The following C7 variants were observed in gnomAD, a reference collection of about 807,000 sequenced individuals.
The protein encoded by C7 is complement C7.
In C7, 83 loss-of-function variants were observed where a neutral mutation model predicts 104.8. The observed-to-expected ratio is 0.79, with a 90% CI of 0.66 to 0.95. The LOEUF is 0.95. Among genes scored for constraint, C7 ranks in the 40% least tolerant of loss-of-function variants. The pLI, the probability that C7 is intolerant of heterozygous loss-of-function variation, is 0.00. For missense variants in C7, 1,070 were observed against 1,011.2 expected (o/e 1.06, Z -0.79); for synonymous variants, 415 against 360.6 (o/e 1.15, Z -1.71).
rs551295786 is a variant in C7, at chr5:40,919,816, C to T, written c.7-8764C>T. 6.6e-5 allele frequency among the ~76,000 whole-genome samples: 10 copies of T among 151,826 alleles called. No homozygotes were observed. In the South Asian group the frequency reaches 2.1e-3, roughly 32 times the overall value. On this transcript the variant is annotated intron_variant, in intron 1 of 17. Transcript: ENST00000313164. ...AAACAAAAATGGAAACACAACATAG[C>T]AAACATATGGGATACAGCAAAAACA...
At chr5:40,968,618 TTTTTTTTTTTTG>T (rs1439536501) in intron 14 of C7, among the ~76,000 whole-genome samples, 23 of 86,204 alleles carry the variant, frequency 2.7e-4, no homozygotes, top group African/African-American at 8.2e-4. Flanking sequence ...TTTTTTTTTT[TTTTTTTTTTTTG>T]AGACAGATTT....
At chr5:40,961,649 G>A (rs1311679888) in intron 12 of C7, among the ~76,000 whole-genome samples, 1 of 152,278 alleles carries the variant, frequency 6.6e-6, no homozygotes, top group East Asian at 1.9e-4. Flanking sequence ...TCCTCCCAAA[G>A]TGCTGGGATT....
At chr5:40,920,687 A>G (rs555762347) in intron 1 of C7, among the ~76,000 whole-genome samples, 43 of 152,318 alleles carry the variant, frequency 2.8e-4, no homozygotes, top group African/African-American at 1.0e-3. Flanking sequence ...AACAAAATAA[A>G]TGGCATTCAA....
At chr5:40,911,080 C>G (rs911006034) in intron 1 of C7, 2 of 152,076 alleles carry the variant, frequency 1.3e-5, no homozygotes, top group African/African-American at 4.8e-5. Context: ...GGCTTTCCAG[C>G]AAAAATTGGG....
At chr5:40,930,534 A>C (rs1301871625) in intron 2 of C7, among the ~76,000 whole-genome samples, 1 of 150,518 alleles carries the variant, frequency 6.6e-6, no homozygotes, top group Non-Finnish European at 1.5e-5. Context: ...TTATTTCTAC[A>C]ATTCTAGTGT....
chr5:40,915,784 C>A (rs888708513), intron 1 of C7, among the ~76,000 whole-genome samples: 1 of 152,046 alleles, frequency 6.6e-6, no homozygotes, highest in Non-Finnish European at 1.5e-5. Flanking sequence ...ATTTTTAGAA[C>A]TCTAACAGCC....
intron 9 of C7, among the ~76,000 whole-genome samples, chr5:40,954,477 G>C (rs1740242441): frequency 6.6e-6 from 1 of 152,058 alleles, no homozygotes; most frequent in Non-Finnish European, 1.5e-5. Flanking sequence ...CATCTAAGAA[G>C]AACATTCTCT....
At chr5:40,936,717 G>C (rs1021556210) in intron 5 of C7, among the ~76,000 whole-genome samples, 2 of 152,044 alleles carry the variant, frequency 1.3e-5, no homozygotes, top group East Asian at 3.9e-4. Context: ...TAGTTTTAGC[G>C]CTGAAATTCT....
chr5:40,921,743 G>C (rs538328456), intron 1 of C7, among the ~76,000 whole-genome samples: 4 of 152,146 alleles, frequency 2.6e-5, no homozygotes, highest in African/African-American at 9.6e-5. Context: ...AAAGTGGTAA[G>C]AACATACATT....
In C7 at chr5:40,928,664, A is replaced by C. The variant is rs180938372; in HGVS notation, c.62+29A>C. On this transcript the variant is annotated intron_variant, in intron 2 of 17. Coordinates refer to ENST00000313164, the MANE Select transcript of C7 (RefSeq NM_000587.4). ...AGGACTTTTTGGGTTGTGTGTAAAA[A>C]TCATTAAATTTAAAAAATGTTTTAG... 4.0e-3 allele frequency: 5,668 copies of C among 1,413,006 alleles called. 19 individuals carry two copies. Among genetic ancestry groups the C allele is most frequent in the Middle Eastern group, 8.9e-3 (51 of 5,726 alleles). 87.5% of individuals were successfully genotyped at this position (1,413,006 alleles called of 1,614,324 possible).
chr5:40,977,027 T>G (rs1050056395), intron 16 of C7, among the ~76,000 whole-genome samples, 187 bp downstream of exon 16: 1 of 152,216 alleles, frequency 6.6e-6, no homozygotes, highest in African/African-American at 2.4e-5. Flanking sequence ...AGCCATGGCA[T>G]TAAGCAGTGT....
intron 15 of C7, among the ~76,000 whole-genome samples, chr5:40,975,282 C>T (rs910125273): frequency 5.3e-5 from 8 of 152,082 alleles, no homozygotes; most frequent in Admixed American, 1.3e-4. Flanking sequence ...TCATGTTTTA[C>T]CACTAATGTC....
At chr5:40,909,769 TG>T (rs1200044078) in intron 1 of C7, among the ~76,000 whole-genome samples, 153 bp downstream of exon 1, 2 of 152,052 alleles carry the variant, frequency 1.3e-5, no homozygotes, top group Non-Finnish European at 1.5e-5. Flanking sequence ...GAAAAAGACC[TG>T]GGGGTGATGT....
At position 40,937,695 on chromosome 5, in the gene C7, T is replaced by G; in HGVS notation, c.567+5T>G. 6.4e-7 allele frequency: 1 copy of G among 1,556,828 alleles called. No individual in the cohort carries two copies. The highest frequency in any genetic ancestry group is 8.7e-7 in the Non-Finnish European group (1 of 1,150,638). ...GTCCTGTCCTATACATTCCAGGTAC[T>G]TACGACGTTATTGATTTCCAATCTG... On this transcript the variant is annotated splice_donor_5th_base_variant and intron_variant, in intron 6 of 17. Coordinates refer to ENST00000313164, the MANE Select transcript of C7 (RefSeq NM_000587.4).
chr5:40,935,606 A>T (rs977834978), intron 4 of C7, among the ~76,000 whole-genome samples: 3 of 152,188 alleles, frequency 2.0e-5, no homozygotes, highest in African/African-American at 7.2e-5. Flanking sequence ...CAAGCGCAAG[A>T]TCATTGGAGA....
At chr5:40,943,947 G>A (rs565492352) in intron 6 of C7, among the ~76,000 whole-genome samples, 4 of 152,020 alleles carry the variant, frequency 2.6e-5, no homozygotes, top group Admixed American at 1.3e-4. Flanking sequence ...TTTTGACTGG[G>A]CATATACTTG....
intron 15 of C7, among the ~76,000 whole-genome samples, chr5:40,975,854 T>C (rs1740807429): frequency 6.6e-6 from 1 of 152,238 alleles, no homozygotes; most frequent in Non-Finnish European, 1.5e-5. Context: ...ATTCTCCAGA[T>C]AAACTACCTT....
intron 17 of C7, 167 bp downstream of exon 17, chr5:40,980,076 G>A (rs1478356407): frequency 6.6e-6 from 3 of 455,720 alleles, no homozygotes; most frequent in Non-Finnish European, 1.1e-5. Flanking sequence ...CCTCACTGGA[G>A]AAGGGCACAG....
intron 9 of C7, 117 bp downstream of exon 9, chr5:40,950,131 C>G: frequency 1.6e-6 from 1 of 633,230 alleles, no homozygotes; most frequent in East Asian, 2.8e-5. Flanking sequence ...CTTTGTTGTA[C>G]AGATTATTTT....
Sources: allele counts gnomAD v4.1 joint callset (sites outside exome capture counted in the v4.1 genomes callset), GRCh38; gene constraint gnomAD v4.1.1; transcripts MANE v1.5; gene names NCBI Gene and HGNC (gene_info 2026-07-23, HGNC 2026-07-21).